TFAP2E: variants seen among roughly 807,000 people sequenced by gnomAD.
TFAP2E encodes the protein transcription factor AP-2-epsilon.
In TFAP2E, 30 loss-of-function variants were observed where a neutral mutation model predicts 37.9. The observed-to-expected ratio is 0.79, with a 90% CI of 0.59 to 1.07. The LOEUF (loss-of-function observed/expected upper bound fraction) is 1.07, where lower values mean the gene tolerates loss of function less well. Among genes scored for constraint, TFAP2E ranks in the 50% least tolerant of loss-of-function variants. TFAP2E has a pLI of 0.00. For missense variants in TFAP2E, 567 were observed against 637.9 expected (o/e 0.89, Z 1.20); for synonymous variants, 318 against 295.8 (o/e 1.08, Z -0.77).
chr1:35,594,350 TCA>T (rs1350117305), intron 6 of TFAP2E, 42 bp from the exon 7 acceptor site: 9 of 1,594,874 alleles, frequency 5.6e-6, no homozygotes, highest in Non-Finnish European at 7.7e-6. Context: ...TTCTCTGGGC[TCA>T]GACTTTTGTC....
At position 35,574,381 on chromosome 1, in the gene TFAP2E, C is replaced by T. The variant is rs573787324; in HGVS notation, c.482C>T (p.Ala161Val). 78 of 1,435,534 alleles carry T rather than the reference C, an allele frequency of 5.4e-5. No individual in the cohort carries two copies. Among genetic ancestry groups the T allele is most frequent in the Non-Finnish European group, 6.7e-5 (74 of 1,106,488 alleles). The allele number at this position is 1,435,534 out of a possible 1,614,324, so 88.9% of individuals were successfully genotyped here. A position where few individuals can be genotyped will look rare whatever the true frequency, so the allele number is the denominator to read the frequency against. ...ADAPLGLPGL[A>V]AAPGLEDLQA... Reference sequence around the variant, plus strand: ...GCACCTCTCGGCCTTCCGGGGCTGGCGGCGGCCCCCGGTCTGGAGGACCTG... The same window carrying T: ...GCACCTCTCGGCCTTCCGGGGCTGGTGGCGGCCCCCGGTCTGGAGGACCTG... The change falls in exon 2 of 7, where the codon GCG (alanine) becomes GTG (valine). Residue 161 changes from alanine to valine, a missense_variant. Transcript: ENST00000373235.
Position 35,573,756 on chromosome 1 carries a change from G to T in TFAP2E, c.27+152G>T, listed in dbSNP as rs940282140. The T allele has an allele frequency of 7.2e-7, 1 of 1,384,860 alleles. No homozygotes were observed. Among genetic ancestry groups the T allele is most frequent in the Non-Finnish European group, 9.5e-7 (1 of 1,054,758 alleles). The allele number at this position is 1,384,860 out of a possible 1,614,324, so 85.8% of individuals were successfully genotyped here. On this transcript the variant is annotated intron_variant, in intron 1 of 6. Transcript: ENST00000373235. This position sits in a 1 kb window ranked among gnomAD's most constrained non-coding sequence, Gnocchi z 5.9. ...CTGAGAACGCGATGCGCAAGTGACC[G>T]CTGTCCCCAGCCTGAGGCTCCTGCG...
At chr1:35,578,141 A>G (rs1370413854) in intron 3 of TFAP2E, among the ~76,000 whole-genome samples, 2 of 152,262 alleles carry the variant, frequency 1.3e-5, no homozygotes, top group Admixed American at 1.3e-4. Context: ...TGTTGAATGA[A>G]TGAGTGATGG....
intron 4 of TFAP2E, 123 bp from the exon 5 acceptor site, chr1:35,589,807 G>T: frequency 1.0e-6 from 1 of 981,634 alleles, no homozygotes. Context: ...AGCATCCCCA[G>T]GACCAATCCC....
intron 2 of TFAP2E, chr1:35,574,628 A>G (rs1265935655): frequency 1.2e-6 from 1 of 801,730 alleles, no homozygotes; most frequent in Non-Finnish European, 1.9e-6. Flanking sequence ...GGTGGCAGCA[A>G]CCCTCGGCAG....
intron 6 of TFAP2E, among the ~76,000 whole-genome samples, chr1:35,593,124 C>T (rs1481000747): frequency 2.6e-5 from 4 of 152,012 alleles, no homozygotes; most frequent in East Asian, 3.9e-4. Flanking sequence ...GTGATCAGAT[C>T]GCTTGAGCCC....
chr1:35,574,631 C>A, intron 2 of TFAP2E: 1 of 787,110 alleles, frequency 1.3e-6, no homozygotes, highest in Non-Finnish European at 1.9e-6. Flanking sequence ...GGCAGCAACC[C>A]TCGGCAGGGA....
chr1:35,589,484 A>G (rs1055896002), intron 4 of TFAP2E, among the ~76,000 whole-genome samples: 139 of 129,726 alleles, frequency 1.1e-3, no homozygotes, highest in African/African-American at 3.5e-3. Flanking sequence ...ATGTGTCTCT[A>G]TTCTTTCACG....
chr1:35,574,424 A>G lies in TFAP2E; in HGVS notation c.510+15A>G. 1 of 1,400,104 alleles carries G rather than the reference A, an allele frequency of 7.1e-7. No homozygotes were observed. Among genetic ancestry groups the G allele is most frequent in the Non-Finnish European group, 9.2e-7 (1 of 1,084,968 alleles). 86.7% of individuals were successfully genotyped at this position (1,400,104 alleles called of 1,614,324 possible). ...AGGACCTGCAGGTGAGACCCGAGGG[A>G]TCCGGGATGGGTCGGGACTGGCCGC... On this transcript the variant is annotated intron_variant, in intron 2 of 6. Coordinates refer to ENST00000373235, the MANE Select transcript of TFAP2E (RefSeq NM_178548.4).
At chr1:35,589,494 G>C (rs1022362210) in intron 4 of TFAP2E, among the ~76,000 whole-genome samples, 1 of 144,510 alleles carries the variant, frequency 6.9e-6, no homozygotes, top group Non-Finnish European at 1.5e-5. Context: ...ATTCTTTCAC[G>C]TGTGTGTGTG....
chr1:35,580,526 C>T (rs1649318623), intron 3 of TFAP2E, among the ~76,000 whole-genome samples: 1 of 151,926 alleles, frequency 6.6e-6, no homozygotes, highest in South Asian at 2.1e-4. Context: ...TTTGGGAGGC[C>T]GAGGCGGGTG....
chr1:35,581,377 C>T (rs989999917), intron 3 of TFAP2E, among the ~76,000 whole-genome samples: 1 of 152,058 alleles, frequency 6.6e-6, no homozygotes, highest in African/African-American at 2.4e-5. Context: ...ACATACATGC[C>T]TTACTATAGA....
chr1:35,590,206 G>T lies in TFAP2E; in HGVS notation c.904+158G>T, dbSNP rs932817564. The stretch of plus-strand genomic sequence containing the variant: ...GCGTATTCTCTGTCATGTATAAGGT[G>T]TGTTTGTGATTTCTGTGTGTAGTCC... On this transcript the variant is annotated intron_variant, in intron 5 of 6. Coordinates refer to ENST00000373235, the MANE Select transcript of TFAP2E (RefSeq NM_178548.4). This position sits in a 1 kb window ranked among gnomAD's most constrained non-coding sequence, Gnocchi z 6.2. Among the ~76,000 whole-genome samples, 14 of 152,130 alleles carry T rather than the reference G, an allele frequency of 9.2e-5. 1 individual carries two copies. The highest frequency in any genetic ancestry group is 3.4e-4 in the African/African-American group (14 of 41,424).
At position 35,573,576 on chromosome 1, in the gene TFAP2E, C is replaced by T. The variant is rs1236850251; in HGVS notation, c.-2C>T. The T allele has an allele frequency of 3.3e-6, 5 of 1,533,056 alleles. No homozygotes were observed. The highest frequency in any genetic ancestry group is 2.6e-5 in the East Asian group (1 of 38,716). 95.0% of individuals were successfully genotyped at this position (1,533,056 alleles called of 1,614,324 possible). ...CGCCTCGCGCCCGGCACTCACCGCC[C>T]CATGCTGGTGCACACCTACTCCGCC... On this transcript the variant is annotated 5_prime_UTR_variant, in exon 1 of 7. Coordinates refer to ENST00000373235, the MANE Select transcript of TFAP2E (RefSeq NM_178548.4). The surrounding 1 kb of genome is among the most constrained non-coding windows in gnomAD (Gnocchi z 5.9).
intron 6 of TFAP2E, among the ~76,000 whole-genome samples, chr1:35,591,686 G>C (rs1034477398): frequency 1.3e-5 from 2 of 152,160 alleles, no homozygotes; most frequent in Non-Finnish European, 2.9e-5. Flanking sequence ...TTAAGATTTA[G>C]TTTTGTTTTT....
chr1:35,589,445 G>A (rs1649587572), intron 4 of TFAP2E, among the ~76,000 whole-genome samples: 1 of 119,222 alleles, frequency 8.4e-6, no homozygotes, highest in South Asian at 2.5e-4. Context: ...CTGAGTCTGT[G>A]TCTCTGCATG....
At position 35,588,627 on chromosome 1, in the gene TFAP2E, G is replaced by T. The variant is rs1649560561; in HGVS notation, c.785+75G>T. ...TCAGGCCTTCTCAAGGCATCAGAGA[G>T]GAGGCCAGTCTCACCTAGGCCCTCT... On this transcript the variant is annotated intron_variant, in intron 4 of 6. Transcript: ENST00000373235. The surrounding 1 kb of genome is among the most constrained non-coding windows in gnomAD (Gnocchi z 5.1). 1.4e-6 allele frequency: 2 copies of T among 1,435,978 alleles called. No individual in the cohort carries two copies. The highest frequency in any genetic ancestry group is 2.3e-5 in the East Asian group (1 of 43,272). The allele number at this position is 1,435,978 out of a possible 1,614,324, so 89.0% of individuals were successfully genotyped here.
rs764632063 is a variant in TFAP2E, at chr1:35,589,950, G to A, written c.806G>A (p.Gly269Asp). The A allele has an allele frequency of 1.2e-5, 20 of 1,613,908 alleles. No homozygotes were observed. Among genetic ancestry groups the A allele is most frequent in the Non-Finnish European group, 1.6e-5 (19 of 1,179,930 alleles). Residue 269 changes from glycine to aspartate, a missense_variant, in exon 5 of 7, where the codon GGC (glycine) becomes GAC (aspartate). Physicochemically the swap from Gly to Asp is moderately conservative, Grantham distance 94. This residue lies in a region of TFAP2E where 252 missense variants were observed against 302.6 expected (regional missense o/e 0.83). Transcript: ENST00000373235. ...TCAAGGGCCAAGTCCAAAAATGGGG[G>A]CCGGTGTTTGCGGGAACGGTTAGAG... ...VLRRAKSKNGGRCLRERLEKI... is the reference protein window; with the variant it reads ...VLRRAKSKNGDRCLRERLEKI...
At position 35,588,535 on chromosome 1, in the gene TFAP2E, G is replaced by C. The variant is rs138447850; in HGVS notation, c.768G>C (p.Leu256=). The stretch of plus-strand genomic sequence containing the variant: ...CCGAGTGCCTCAACGCCTCCCTCCT[G>C]GGGGGTGTCCTCCGCAGGTAGGAAG... The part of the protein sequence containing the change: ...SPPECLNASL[L]GGVLRRAKSK... Residue 256 remains leucine (L), a synonymous_variant, in exon 4 of 7, where the codon CTG becomes CTC. Coordinates refer to ENST00000373235, the MANE Select transcript of TFAP2E (RefSeq NM_178548.4). The surrounding 1 kb of genome is among the most constrained non-coding windows in gnomAD (Gnocchi z 5.1). The C allele has an allele frequency of 3.1e-6, 5 of 1,588,218 alleles. No individual in the cohort carries two copies. Among genetic ancestry groups the C allele is most frequent in the African/African-American group, 1.3e-5 (1 of 74,608 alleles).
Sources: gnomAD v4.1 joint callset for allele counts (sites outside exome capture counted in the v4.1 genomes callset) on GRCh38, gnomAD v4.1.1 for gene constraint, gnomAD v4.1.1 regional missense constraint, Gnocchi (gnomAD v3.1) non-coding constraint, MANE v1.5 for transcripts, NCBI Gene and HGNC (gene_info 2026-07-23, HGNC 2026-07-21) for gene names.